The following SPIDR variants were observed in gnomAD, a reference collection of about 807,000 sequenced individuals.
The protein encoded by SPIDR is scaffold protein involved in DNA repair.
A neutral mutation model predicts 104.6 loss-of-function variants in SPIDR; 93 were observed. The observed-to-expected ratio is 0.89, with a 90% CI of 0.75 to 1.06. The LOEUF is 1.06. Among genes scored for constraint, SPIDR ranks in the 50% least tolerant of loss-of-function variants. SPIDR has a pLI of 0.00. For missense variants in SPIDR, 1,154 were observed against 1,111.2 expected (o/e 1.04, Z -0.55); for synonymous variants, 431 against 416.9 (o/e 1.03, Z -0.41).
chr8:47,702,004 CA>C lies in SPIDR; in HGVS notation c.1971del (p.Lys657AsnfsTer4). 3 of 1,572,614 alleles carry C rather than the reference CA, an allele frequency of 1.9e-6. No homozygotes were observed. The highest frequency in any genetic ancestry group is 2.6e-6 in the Non-Finnish European group (3 of 1,156,336). On this transcript the variant is annotated frameshift_variant, in exon 14 of 20. Transcript: ENST00000297423. LOFTEE classifies it high-confidence loss of function. ...CAGTTTCTATGCCACGGTGATTTACCAAAAACCACAGGTAATAATCTCTCTC... is the reference window on the plus strand; with the variant it reads ...CAGTTTCTATGCCACGGTGATTTACCAAAACCACAGGTAATAATCTCTCTC... ...RCSFYATVIYQKPQLKSLLLL... is the reference protein window; with the variant it reads ...RCSFYATVIYXKPQLKSLLLL...
Position 47,285,979 on chromosome 8 carries a change from T to G in SPIDR, c.256+1885T>G, listed in dbSNP as rs1186246391. Among the ~76,000 whole-genome samples the G allele has an allele frequency of 7.9e-5, 12 of 152,308 alleles. No individual in the cohort carries two copies. In the East Asian group the frequency reaches 2.1e-3, roughly 27 times the overall value. ...TCAAGGACACCCTCTTTACAGCAAG[T>G]GAAATGAGTTACTAATCAATTCCTG... On this transcript the variant is annotated intron_variant, in intron 3 of 19. Coordinates refer to ENST00000297423, the MANE Select transcript of SPIDR (RefSeq NM_001080394.4).
At chr8:47,656,097 A>T (rs1310581629) in intron 10 of SPIDR, among the ~76,000 whole-genome samples, 1 of 152,244 alleles carries the variant, frequency 6.6e-6, no homozygotes, top group Non-Finnish European at 1.5e-5. Flanking sequence ...TGTAAGAACT[A>T]AATTTCTCAG....
intron 8 of SPIDR, among the ~76,000 whole-genome samples, chr8:47,533,559 TAAAC>T (rs1359560327): frequency 3.9e-5 from 6 of 152,048 alleles, no homozygotes; most frequent in Admixed American, 6.6e-5. Flanking sequence ...ATAAGGAACT[TAAAC>T]AAATTTACAA....
At position 47,631,868 on chromosome 8, in the gene SPIDR, GT is replaced by G. The variant is rs2067123557; in HGVS notation, c.1544+32676del. On this transcript the variant is annotated intron_variant, in intron 10 of 19. Coordinates refer to ENST00000297423, the MANE Select transcript of SPIDR (RefSeq NM_001080394.4). ...GTCTGAGAAAACCAAAAGGCCAACT[GT>G]TTTATTGCTTTAGATCAGTTAGGTG... 2.6e-5 allele frequency among the ~76,000 whole-genome samples: 4 copies of G among 152,156 alleles called. No individual in the cohort carries two copies. In the South Asian group the frequency reaches 8.3e-4, roughly 31 times the overall value.
intron 10 of SPIDR, among the ~76,000 whole-genome samples, chr8:47,640,234 C>A (rs2068653573): frequency 6.6e-6 from 1 of 152,162 alleles, no homozygotes; most frequent in South Asian, 2.1e-4. Context: ...TGCCTGCTGG[C>A]AGAAGTAGCA....
chr8:47,393,677 CCTTT>C (rs2060883003), intron 5 of SPIDR, among the ~76,000 whole-genome samples: 2 of 6,836 alleles, frequency 2.9e-4, no homozygotes, highest in African/African-American at 2.1e-4. Context: ...TTTCCTTTTT[CCTTT>C]CCTTTCCTTT....
intron 1 of SPIDR, among the ~76,000 whole-genome samples, chr8:47,266,938 T>C (rs905204240): frequency 8.5e-5 from 13 of 152,224 alleles, no homozygotes; most frequent in Admixed American, 1.3e-4. Flanking sequence ...TAAGCTACTT[T>C]CGGTGTGTAT....
chr8:47,495,166 T>G (rs370486256), intron 8 of SPIDR, among the ~76,000 whole-genome samples: 4 of 152,180 alleles, frequency 2.6e-5, no homozygotes, highest in African/African-American at 9.6e-5. Context: ...GAACATGCAT[T>G]TTAACCACAG....
chr8:47,696,708 G>A (rs533927239), intron 11 of SPIDR, among the ~76,000 whole-genome samples: 6 of 152,214 alleles, frequency 3.9e-5, no homozygotes, highest in Non-Finnish European at 8.8e-5. Flanking sequence ...CCCACACCTA[G>A]CACTGGAGAC....
At chr8:47,501,871 C>T (rs1479483086) in intron 8 of SPIDR, among the ~76,000 whole-genome samples, 3 of 152,136 alleles carry the variant, frequency 2.0e-5, no homozygotes, top group African/African-American at 7.2e-5. Context: ...TGAATTTTGT[C>T]AAAGGCCTTT....
intron 8 of SPIDR, among the ~76,000 whole-genome samples, chr8:47,585,305 GT>G (rs1341410931): frequency 1.3e-5 from 2 of 152,118 alleles, no homozygotes; most frequent in African/African-American, 2.4e-5. Context: ...GTTAATTGGT[GT>G]TTTTTCTTAA....
intron 10 of SPIDR, among the ~76,000 whole-genome samples, chr8:47,671,396 C>T (rs889086384): frequency 2.6e-5 from 4 of 151,906 alleles, no homozygotes; most frequent in Non-Finnish European, 5.9e-5. Context: ...ACCAGCCTGC[C>T]CAACATGGAG....
At chr8:47,721,456 A>C (rs988913349) in intron 16 of SPIDR, among the ~76,000 whole-genome samples, 1 of 149,528 alleles carries the variant, frequency 6.7e-6, no homozygotes, top group Non-Finnish European at 1.5e-5. Context: ...CTACCAGTAC[A>C]CCATCTTAAT....
At chr8:47,651,131 A>G (rs756948285) in intron 10 of SPIDR, among the ~76,000 whole-genome samples, 62 of 152,210 alleles carry the variant, frequency 4.1e-4, no homozygotes, top group Non-Finnish European at 6.3e-4. Flanking sequence ...CTGCACAGCA[A>G]CAGAAATAAT....
intron 8 of SPIDR, among the ~76,000 whole-genome samples, chr8:47,512,356 G>A: frequency 6.6e-6 from 1 of 152,158 alleles, no homozygotes; most frequent in Non-Finnish European, 1.5e-5. Context: ...TTGGTCCACT[G>A]AGGATTGTTG....
At chr8:47,475,731 G>C (rs545095064) in intron 8 of SPIDR, among the ~76,000 whole-genome samples, 2 of 152,122 alleles carry the variant, frequency 1.3e-5, no homozygotes, top group Non-Finnish European at 2.9e-5. Flanking sequence ...CTAGAGCCAA[G>C]AAGACACATA....
chr8:47,561,133 C>G (rs1283744086), intron 8 of SPIDR, among the ~76,000 whole-genome samples: 1 of 152,156 alleles, frequency 6.6e-6, no homozygotes, highest in Non-Finnish European at 1.5e-5. Context: ...CATGAGTGGC[C>G]TAACATTTTT....
intron 6 of SPIDR, among the ~76,000 whole-genome samples, chr8:47,400,438 TG>T (rs781920258): frequency 5.9e-5 from 9 of 152,220 alleles, no homozygotes; most frequent in Non-Finnish European, 1.3e-4. Flanking sequence ...GTCTTCAAAC[TG>T]GAAGACTTCC....
chr8:47,622,182 G>A (rs2065257112), intron 10 of SPIDR, among the ~76,000 whole-genome samples: 1 of 152,160 alleles, frequency 6.6e-6, no homozygotes, highest in East Asian at 1.9e-4. Flanking sequence ...CAAGAGAAGG[G>A]CTTCTTGAGT....
Sources: allele counts gnomAD v4.1 joint callset (sites outside exome capture counted in the v4.1 genomes callset), GRCh38; gene constraint gnomAD v4.1.1; transcripts MANE v1.5; gene names NCBI Gene and HGNC (gene_info 2026-07-23, HGNC 2026-07-21).